FNDC3B: variants seen among roughly 807,000 people sequenced by gnomAD.
FNDC3B encodes fibronectin type III domain containing 3B, also known as fibronectin type III domain-containing protein 3B.
FNDC3B carries 12 observed loss-of-function variants against 151.5 expected under a neutral mutation model. The ratio of observed to expected loss-of-function variants is 0.08; its 90% CI spans 0.05 to 0.13. The LOEUF is 0.13. Ranked by LOEUF, FNDC3B falls within the 10% of genes least tolerant of loss-of-function variation. The probability of loss-of-function intolerance (pLI) is 1.00; values close to 1 mark genes in which losing one functional copy is unlikely to be tolerated. For synonymous variants in FNDC3B, 528 were observed against 549.0 expected, an observed-to-expected ratio of 0.96 and a Z score of 0.54; for missense variants, 1,214 against 1,505.3, an observed-to-expected ratio of 0.81 and a Z score of 3.20.
chr3:172,167,574 T>C (rs1434059842), intron 3 of FNDC3B, among the ~76,000 whole-genome samples: 1 of 152,216 alleles, frequency 6.6e-6, no homozygotes, highest in African/African-American at 2.4e-5. Context: ...TTTTATGCTT[T>C]CCACAGCCTA....
At chr3:172,261,388 A>G (rs1251257810) in intron 6 of FNDC3B, among the ~76,000 whole-genome samples, 2 of 152,226 alleles carry the variant, frequency 1.3e-5, no homozygotes, top group Non-Finnish European at 2.9e-5. Context: ...GGATCTTTAC[A>G]TAAACTGCAG....
chr3:172,118,715 TCAG>T (rs1219528786), intron 2 of FNDC3B, among the ~76,000 whole-genome samples: 2 of 152,214 alleles, frequency 1.3e-5, no homozygotes, highest in Non-Finnish European at 1.5e-5. Context: ...ATCACATTCT[TCAG>T]CATCAAGATG....
intron 13 of FNDC3B, among the ~76,000 whole-genome samples, chr3:172,331,596 A>G (rs762940760): frequency 5.3e-5 from 8 of 151,958 alleles, no homozygotes; most frequent in Non-Finnish European, 8.8e-5. Flanking sequence ...TCCTAACCTC[A>G]TGATCTGCCC....
intron 3 of FNDC3B, among the ~76,000 whole-genome samples, chr3:172,142,020 A>G (rs1331710682): frequency 1.3e-5 from 2 of 152,210 alleles, no homozygotes; most frequent in Non-Finnish European, 2.9e-5. Context: ...ATATTGTAAA[A>G]TTAGTTCCTT....
rs190692230 is a variant in FNDC3B, at chr3:172,157,594, G to A, written c.187+24048G>A. Among the ~76,000 whole-genome samples, 3 of 152,234 alleles carry A rather than the reference G, an allele frequency of 2.0e-5. No individual in the cohort carries two copies. The East Asian group carries it at 5.8e-4, about 29-fold the overall frequency. On this transcript the variant is annotated intron_variant, in intron 3 of 25. Transcript: ENST00000415807. ...CCTAACTCCTAGTAACCACCCATCT[G>A]TTCTCCATCTCTAAATTATTTCAAT...
At chr3:172,266,479 A>G (rs1387548001) in intron 6 of FNDC3B, among the ~76,000 whole-genome samples, 2 of 152,232 alleles carry the variant, frequency 1.3e-5, no homozygotes, top group South Asian at 2.1e-4. Context: ...TGGCAAAGCC[A>G]GTGATTTAAA....
At chr3:172,066,985 T>G (rs142871386) in intron 1 of FNDC3B, among the ~76,000 whole-genome samples, 1 of 152,316 alleles carries the variant, frequency 6.6e-6, no homozygotes, top group East Asian at 1.9e-4. Flanking sequence ...TCTCTTATTG[T>G]GGATTTAGGG....
At chr3:172,044,377 G>A (rs1405598402) in intron 1 of FNDC3B, among the ~76,000 whole-genome samples, 1 of 150,586 alleles carries the variant, frequency 6.6e-6, no homozygotes, top group Non-Finnish European at 1.5e-5. Flanking sequence ...GCAACTGCCA[G>A]GTTCAGTATA....
intron 2 of FNDC3B, among the ~76,000 whole-genome samples, chr3:172,130,661 A>G (rs1422525305): frequency 6.6e-6 from 1 of 152,228 alleles, no homozygotes; most frequent in African/African-American, 2.4e-5. Flanking sequence ...TAATGTGACG[A>G]CAGTCCGGAC....
chr3:172,238,579 G>T (rs1159979160), intron 4 of FNDC3B, among the ~76,000 whole-genome samples: 1 of 152,080 alleles, frequency 6.6e-6, no homozygotes, highest in African/African-American at 2.4e-5. Flanking sequence ...TCTTCTTATG[G>T]TACTTGGGTG....
intron 2 of FNDC3B, among the ~76,000 whole-genome samples, chr3:172,129,680 A>G (rs966813487): frequency 1.3e-5 from 2 of 152,192 alleles, no homozygotes; most frequent in African/African-American, 4.8e-5. Context: ...TTCTTGGTTC[A>G]TGTAACACTA....
chr3:172,292,569 T>C (rs902924179), intron 7 of FNDC3B, among the ~76,000 whole-genome samples: 5 of 152,238 alleles, frequency 3.3e-5, no homozygotes, highest in Admixed American at 6.5e-5. Context: ...ATCTAGAACG[T>C]TGGCATTTGA....
chr3:172,296,502 G>T (rs1208774098), intron 8 of FNDC3B, among the ~76,000 whole-genome samples: 1 of 152,152 alleles, frequency 6.6e-6, no homozygotes. Context: ...GGAGTCTCCT[G>T]CAGGTCTTCC....
chr3:172,228,924 C>G (rs1726730868), intron 4 of FNDC3B, among the ~76,000 whole-genome samples: 1 of 151,912 alleles, frequency 6.6e-6, no homozygotes, highest in Admixed American at 6.6e-5. Context: ...AATTGAGAAG[C>G]CAACAGGATG....
At chr3:172,107,527 A>C (rs1719719460) in intron 1 of FNDC3B, among the ~76,000 whole-genome samples, 1 of 152,166 alleles carries the variant, frequency 6.6e-6, no homozygotes, top group Non-Finnish European at 1.5e-5. Context: ...GTCCTGTGAT[A>C]GATTTGGCCA....
At chr3:172,049,940 A>C (rs2108456667) in intron 1 of FNDC3B, among the ~76,000 whole-genome samples, 1 of 152,360 alleles carries the variant, frequency 6.6e-6, no homozygotes, top group Non-Finnish European at 1.5e-5. Flanking sequence ...GAAATGCATT[A>C]GGTGTTAGAA....
In FNDC3B at chr3:172,330,729, A is replaced by G; in HGVS notation, c.1554+14A>G. The G allele has an allele frequency of 6.2e-7, 1 of 1,602,442 alleles. No homozygotes were observed. Among genetic ancestry groups the G allele is most frequent in the Non-Finnish European group, 8.5e-7 (1 of 1,170,304 alleles). On this transcript the variant is annotated intron_variant, in intron 13 of 25. Coordinates refer to ENST00000415807, the MANE Select transcript of FNDC3B (RefSeq NM_022763.4). Reference sequence around the variant, plus strand: ...GAGGATGAAAATGTGAGTTTTACAGATTTTATACTTCTCTGTGTTTTGTAC... The same window carrying G: ...GAGGATGAAAATGTGAGTTTTACAGGTTTTATACTTCTCTGTGTTTTGTAC...
chr3:172,249,360 A>G (rs1727948120), intron 5 of FNDC3B, among the ~76,000 whole-genome samples: 1 of 152,220 alleles, frequency 6.6e-6, no homozygotes, highest in African/African-American at 2.4e-5. Flanking sequence ...ATTAGAGTTA[A>G]GCAAAATTGT....
intron 15 of FNDC3B, among the ~76,000 whole-genome samples, chr3:172,337,042 A>G (rs1455200823): frequency 6.6e-6 from 1 of 152,236 alleles, no homozygotes; most frequent in Non-Finnish European, 1.5e-5. Flanking sequence ...AGTAAATTCA[A>G]CAACTTGATC....
Sources: gnomAD v4.1 joint callset for allele counts (sites outside exome capture counted in the v4.1 genomes callset) on GRCh38, gnomAD v4.1.1 for gene constraint, MANE v1.5 for transcripts, NCBI Gene and HGNC (gene_info 2026-07-23, HGNC 2026-07-21) for gene names.